FAM151B: variants seen among roughly 807,000 people sequenced by gnomAD.
The protein encoded by FAM151B is family with sequence similarity 151 member B.
Under a neutral mutation model 31.2 loss-of-function variants are expected in FAM151B, and 24 were observed. The observed-to-expected ratio is 0.77, with a 90% CI of 0.56 to 1.08. The LOEUF is 1.08. Among genes scored for constraint, FAM151B ranks in the 50% least tolerant of loss-of-function variants. FAM151B has a pLI of 0.00. For synonymous variants in FAM151B, 105 were observed against 111.4 expected (o/e 0.94, Z 0.36); for missense variants, 293 against 328.6 (o/e 0.89, Z 0.84).
At chr5:80,533,590 A>C (rs780551231) in intron 5 of FAM151B, among the ~76,000 whole-genome samples, 63 of 151,756 alleles carry the variant, frequency 4.2e-4, no homozygotes, top group Non-Finnish European at 7.2e-4. Flanking sequence ...TCTCTACTAA[A>C]AATACAACAA....
chr5:80,489,865 G>T (rs1319094780), intron 1 of FAM151B, among the ~76,000 whole-genome samples: 1 of 151,894 alleles, frequency 6.6e-6, no homozygotes, highest in South Asian at 2.1e-4. Flanking sequence ...CGGAGCTTGC[G>T]GTGAGCCAAG....
At chr5:80,535,610 A>T (rs1433161954) in intron 5 of FAM151B, among the ~76,000 whole-genome samples, 4 of 152,204 alleles carry the variant, frequency 2.6e-5, no homozygotes, top group Non-Finnish European at 5.9e-5. Context: ...AAATACTTAA[A>T]TCTAAGACCT....
At chr5:80,512,115 T>G (rs540853594) in intron 2 of FAM151B, among the ~76,000 whole-genome samples, 7 of 152,298 alleles carry the variant, frequency 4.6e-5, no homozygotes, top group South Asian at 4.1e-4. Context: ...CGCTTATTGA[T>G]AAAAACGTTG....
intron 2 of FAM151B, among the ~76,000 whole-genome samples, chr5:80,511,435 C>CAAAA (rs57587683): frequency 7.4e-5 from 4 of 54,090 alleles, no homozygotes; most frequent in Non-Finnish European, 1.4e-4. Context: ...GACTCTGTCT[C>CAAAA]AAAAAAAAAA....
Position 80,522,143 on chromosome 5 carries a change from G to A in FAM151B, c.671+5G>A, listed in dbSNP as rs575087246. On this transcript the variant is annotated splice_donor_5th_base_variant and intron_variant, in intron 5 of 5. Coordinates refer to ENST00000282226, the MANE Select transcript of FAM151B (RefSeq NM_205548.3). Reference sequence around the variant, plus strand: ...GCTGTTAAAGAAATCAAACAGGTATGTAATAGTTTAACAAATGTGTATGTG... The same window carrying A: ...GCTGTTAAAGAAATCAAACAGGTATATAATAGTTTAACAAATGTGTATGTG... 3.1e-6 allele frequency: 5 copies of A among 1,610,254 alleles called. No homozygotes were observed. The highest frequency in any genetic ancestry group is 1.3e-5 in the African/African-American group (1 of 75,020).
intron 1 of FAM151B, chr5:80,501,389 G>C (rs543748497): frequency 4.1e-6 from 4 of 987,130 alleles, no homozygotes; most frequent in Admixed American, 2.2e-5. Flanking sequence ...AGGCTTACTA[G>C]AAGAATGAAA....
Position 80,488,138 on chromosome 5 carries a change from T to G in FAM151B, c.15T>G (p.Ala5=). MAAS[A]GGPGSWSENI... ...GCGTCGTCACCATGGCAGCATCCGC[T>G]GGAGGCCCAGGTAAGCGCCGAGCGC... Residue 5 remains alanine, a synonymous_variant, in exon 1 of 6, where the codon GCT becomes GCG. Coordinates refer to ENST00000282226, the MANE Select transcript of FAM151B (RefSeq NM_205548.3). 6.5e-7 allele frequency: 1 copy of G among 1,543,580 alleles called. No homozygotes were observed.
intron 1 of FAM151B, among the ~76,000 whole-genome samples, chr5:80,488,780 T>C (rs1743207842): frequency 6.6e-6 from 1 of 152,278 alleles, no homozygotes; most frequent in African/African-American, 2.4e-5. Context: ...TTCACCATTC[T>C]GACTAGCAGG....
At chr5:80,538,587 C>T (rs1262324712) in intron 5 of FAM151B, among the ~76,000 whole-genome samples, 2 of 113,986 alleles carry the variant, frequency 1.8e-5, no homozygotes, top group Non-Finnish European at 3.5e-5. Flanking sequence ...CCTTCCTTTC[C>T]TCCTTTCTTT....
At chr5:80,502,162 A>T (rs1743773382) in intron 2 of FAM151B, among the ~76,000 whole-genome samples, 1 of 152,098 alleles carries the variant, frequency 6.6e-6, no homozygotes, top group Non-Finnish European at 1.5e-5. Flanking sequence ...TTGCAGGCTC[A>T]AACTCCTGGG....
At chr5:80,524,742 A>C (rs553186763) in intron 5 of FAM151B, among the ~76,000 whole-genome samples, 22 of 152,280 alleles carry the variant, frequency 1.4e-4, no homozygotes, top group African/African-American at 5.3e-4. Context: ...CAGATAACAA[A>C]ATCTGGATAA....
intron 1 of FAM151B, among the ~76,000 whole-genome samples, chr5:80,490,093 T>A (rs1262310307): frequency 6.9e-6 from 1 of 145,660 alleles, no homozygotes; most frequent in Admixed American, 6.9e-5. Context: ...ATAGGATGTA[T>A]AGTGAAAAGT....
intron 3 of FAM151B, among the ~76,000 whole-genome samples, chr5:80,515,737 TA>T (rs1271899614): frequency 6.6e-6 from 1 of 152,242 alleles, no homozygotes; most frequent in African/African-American, 2.4e-5. Flanking sequence ...GACACTGTTG[TA>T]AAAGCATTGC....
chr5:80,503,226 A>G (rs1366085056), intron 2 of FAM151B, among the ~76,000 whole-genome samples: 1 of 152,240 alleles, frequency 6.6e-6, no homozygotes, highest in Non-Finnish European at 1.5e-5. Context: ...TATAGAAAAC[A>G]AAAAAGATTC....
In FAM151B at chr5:80,522,035, T is replaced by C. The variant is rs891389030; in HGVS notation, c.568T>C (p.Tyr190His). 22 of 1,607,722 alleles carry C rather than the reference T, an allele frequency of 1.4e-5. No homozygotes were observed. Among genetic ancestry groups the C allele is most frequent in the Middle Eastern group, 1.6e-4 (1 of 6,066 alleles). The change falls in exon 5 of 6, where the codon TAT becomes CAT. Residue 190 changes from tyrosine to histidine, a missense_variant. Physicochemically the swap from Tyr to His is moderately conservative, Grantham distance 83. Coordinates refer to ENST00000282226, the MANE Select transcript of FAM151B (RefSeq NM_205548.3). ...TTGGACAATGGTGAAAGAGATGGAA[T>C]ATATATGTAATGAACTAAGTCAGCC... ...YSWTMVKEME[Y>H]ICNELSQPVT...
intron 5 of FAM151B, among the ~76,000 whole-genome samples, chr5:80,530,138 A>G (rs911260426): frequency 1.1e-4 from 17 of 152,252 alleles, no homozygotes; most frequent in African/African-American, 3.4e-4. Context: ...CAAAAACCAC[A>G]TAATTATCTC....
intron 3 of FAM151B, among the ~76,000 whole-genome samples, chr5:80,517,115 G>A (rs1054663279): frequency 6.6e-6 from 1 of 152,110 alleles, no homozygotes; most frequent in Non-Finnish European, 1.5e-5. Flanking sequence ...ACAAGAAGAA[G>A]GGTGAGTACG....
At chr5:80,528,082 A>G (rs958741835) in intron 5 of FAM151B, among the ~76,000 whole-genome samples, 22 of 152,160 alleles carry the variant, frequency 1.4e-4, no homozygotes, top group African/African-American at 4.6e-4. Context: ...CACAAAAACT[A>G]TACTTCCAGG....
chr5:80,500,642 G>A, intron 1 of FAM151B: 1 of 765,314 alleles, frequency 1.3e-6, no homozygotes, highest in South Asian at 1.3e-5. Flanking sequence ...GAGCCCAAAG[G>A]TCCGAAAGGT....
Sources: gnomAD v4.1 joint callset for allele counts (sites outside exome capture counted in the v4.1 genomes callset) on GRCh38, gnomAD v4.1.1 for gene constraint, MANE v1.5 for transcripts, NCBI Gene and HGNC (gene_info 2026-07-23, HGNC 2026-07-21) for gene names.